Variants in GLS observed in about 807,000 individuals in gnomAD.
GLS encodes glutaminase, also known as glutaminase kidney isoform, mitochondrial.
In GLS, 36 loss-of-function variants were observed where a neutral mutation model predicts 86.7. That is an observed-to-expected ratio of 0.42 (90% CI 0.32 to 0.55). GLS has a LOEUF of 0.55. Ranked by LOEUF, GLS falls within the 20% of genes least tolerant of loss-of-function variation. The pLI is 0.17. For missense variants in GLS, 528 were observed against 833.4 expected, an observed-to-expected ratio of 0.63 and a Z score of 4.51; for synonymous variants, 317 against 305.9, an observed-to-expected ratio of 1.04 and a Z score of -0.38.
intron 1 of GLS, among the ~76,000 whole-genome samples, chr2:190,893,861 A>G (rs1688643178): frequency 6.6e-6 from 1 of 152,222 alleles, no homozygotes; most frequent in Non-Finnish European, 1.5e-5. Context: ...CTGGGATTAT[A>G]GGCGTGAGCT....
At chr2:190,958,193 T>C (rs1690908359) in intron 17 of GLS, among the ~76,000 whole-genome samples, 1 of 152,244 alleles carries the variant, frequency 6.6e-6, no homozygotes, top group South Asian at 2.1e-4. Context: ...AATTTATCAA[T>C]TTCTTCTAGA....
In GLS at chr2:190,897,380, AT is replaced by A. The variant is rs1688781256; in HGVS notation, c.605+1657del. Among the ~76,000 whole-genome samples the A allele has an allele frequency of 2.0e-5, 3 of 152,214 alleles. No individual in the cohort carries two copies. The South Asian group carries it at 6.2e-4, about 31-fold the overall frequency. On this transcript the variant is annotated intron_variant, in intron 3 of 17. Coordinates refer to ENST00000320717, the MANE Select transcript of GLS (RefSeq NM_014905.5). This position sits in a 1 kb window ranked among gnomAD's most constrained non-coding sequence, Gnocchi z 4.3. ...AATTAAAAACAATTTAAATCCTCTG[AT>A]TATTAAGCCAGGGAACTGCAAACAT...
chr2:190,955,811 G>A lies in GLS; in HGVS notation c.1853+993G>A, dbSNP rs941576608. Among the ~76,000 whole-genome samples the A allele has an allele frequency of 2.0e-5, 3 of 152,028 alleles. No individual in the cohort carries two copies. The highest frequency in any genetic ancestry group is 1.9e-4 in the East Asian group (1 of 5,188). On this transcript the variant is annotated intron_variant, in intron 17 of 17. Coordinates refer to ENST00000320717, the MANE Select transcript of GLS (RefSeq NM_014905.5). The surrounding 1 kb of genome is among the most constrained non-coding windows in gnomAD (Gnocchi z 5.6). ...ATCTATTGTTTCCTTTTTAGTGATC[G>A]CCATTCTAACTGGTGTGAGATGGTA...
chr2:190,941,186 C>T (rs1014604538), intron 14 of GLS, among the ~76,000 whole-genome samples: 2 of 152,032 alleles, frequency 1.3e-5, no homozygotes, highest in African/African-American at 4.8e-5. Flanking sequence ...CTTGTGTTTG[C>T]AATTAAGCAG....
chr2:190,915,467 A>T (rs1274069307), intron 7 of GLS, among the ~76,000 whole-genome samples: 4 of 152,108 alleles, frequency 2.6e-5, no homozygotes, highest in African/African-American at 9.7e-5. Flanking sequence ...ACTACAAATG[A>T]TTATAGCTTT....
chr2:190,895,438 A>G lies in GLS; in HGVS notation c.484-166A>G. ...TCAGTGAAAGAAAAAGAAAGAAACA[A>G]TGAGAAACTTGTCCAGAAAGTGGGT... On this transcript the variant is annotated intron_variant, in intron 2 of 17. Coordinates refer to ENST00000320717, the MANE Select transcript of GLS (RefSeq NM_014905.5). This position sits in a 1 kb window ranked among gnomAD's most constrained non-coding sequence, Gnocchi z 4.2. 7 of 570,942 alleles carry G rather than the reference A, an allele frequency of 1.2e-5. No homozygotes were observed. Among genetic ancestry groups the G allele is most frequent in the Non-Finnish European group, 2.1e-5 (7 of 328,198 alleles). 35.4% of individuals were successfully genotyped at this position (570,942 alleles called of 1,614,324 possible).
Position 190,963,210 on chromosome 2 carries a change from T to C in GLS, c.*224T>C, listed in dbSNP as rs973690081. The C allele has an allele frequency of 2.7e-6, 1 of 373,418 alleles. No individual in the cohort carries two copies. Among genetic ancestry groups the C allele is most frequent in the African/African-American group, 2.1e-5 (1 of 47,950 alleles). 23.1% of individuals were successfully genotyped at this position (373,418 alleles called of 1,614,324 possible). A position where few individuals can be genotyped will look rare whatever the true frequency, so the allele number is the denominator to read the frequency against. ...AATGTGAGCAATATTACCTCGTGCA[T>C]TGTATAATTTGATGTAAAAGAAATA... is the stretch of plus-strand genomic sequence containing the variant. On this transcript the variant is annotated 3_prime_UTR_variant, in exon 18 of 18. Transcript: ENST00000320717.
chr2:190,904,336 T>C (rs1376368034), intron 5 of GLS, among the ~76,000 whole-genome samples: 1 of 152,178 alleles, frequency 6.6e-6, no homozygotes, highest in Non-Finnish European at 1.5e-5. Context: ...TAGTTTATTT[T>C]ATGTGATTGA....
chr2:190,932,029 G>A (rs201806452), intron 14 of GLS, among the ~76,000 whole-genome samples: 37 of 152,000 alleles, frequency 2.4e-4, no homozygotes, highest in African/African-American at 6.0e-4. Context: ...ATATTTGTTC[G>A]TCCTAAATTG....
At position 190,930,070 on chromosome 2, in the gene GLS, GTT is replaced by G. The variant is rs1162406978; in HGVS notation, c.1426-354_1426-353del. Among the ~76,000 whole-genome samples the G allele has an allele frequency of 3.0e-5, 4 of 135,436 alleles. No homozygotes were observed. Among genetic ancestry groups the G allele is most frequent in the Non-Finnish European group, 4.9e-5 (3 of 61,538 alleles). 88.9% of individuals were successfully genotyped at this position (135,436 alleles called of 152,430 possible). On this transcript the variant is annotated intron_variant, in intron 12 of 17. Coordinates refer to ENST00000320717, the MANE Select transcript of GLS (RefSeq NM_014905.5). This position sits in a 1 kb window ranked among gnomAD's most constrained non-coding sequence, Gnocchi z 5.0. ...ATTTTTAAACCAATTTCCCAATTGTGTTTTTTTTTTTTTTGAAACTGGATCTT... is the reference window on the plus strand; with the variant it reads ...ATTTTTAAACCAATTTCCCAATTGTGTTTTTTTTTTTTGAAACTGGATCTT...
chr2:190,894,846 A>G (rs1688675267), intron 1 of GLS, among the ~76,000 whole-genome samples: 1 of 152,198 alleles, frequency 6.6e-6, no homozygotes, highest in Non-Finnish European at 1.5e-5. Flanking sequence ...GGGTGATTGT[A>G]CTGGGGTGTA....
chr2:190,917,004 A>C (rs1689557856), intron 7 of GLS, among the ~76,000 whole-genome samples: 1 of 152,192 alleles, frequency 6.6e-6, no homozygotes, highest in Non-Finnish European at 1.5e-5. Context: ...GTGGTTGCTG[A>C]AGATTGCGGT....
chr2:190,944,187 A>G (rs968179400), intron 14 of GLS, among the ~76,000 whole-genome samples: 4 of 130,670 alleles, frequency 3.1e-5, no homozygotes, highest in Non-Finnish European at 7.1e-5. Context: ...TTTGATTCCA[A>G]TGGCCTGGAT....
rs1689711070 is a variant in GLS at position 190,920,951 on chromosome 2, T to G, written c.1039-73T>G. 7 of 778,300 alleles carry G rather than the reference T, an allele frequency of 9.0e-6. No homozygotes were observed. The South Asian group carries it at 1.0e-4, about 12-fold the overall frequency. The allele number at this position is 778,300 out of a possible 1,614,324, so 48.2% of individuals were successfully genotyped here. A position where few individuals can be genotyped will look rare whatever the true frequency, so the allele number is the denominator to read the frequency against. The stretch of plus-strand genomic sequence containing the variant: ...GTATATTATAATAGTAGCTTTGAAA[T>G]TTTGATATTGGCTTGAAACTTAACT... On this transcript the variant is annotated intron_variant, in intron 7 of 17. Coordinates refer to ENST00000320717, the MANE Select transcript of GLS (RefSeq NM_014905.5). The surrounding 1 kb of genome is among the most constrained non-coding windows in gnomAD (Gnocchi z 4.2).
At position 190,921,073 on chromosome 2, in the gene GLS, A is replaced by T. The variant is rs772567757; in HGVS notation, c.1071+17A>T. The T allele has an allele frequency of 2.5e-6, 4 of 1,586,878 alleles. No homozygotes were observed. The South Asian group carries it at 4.4e-5, about 18-fold the overall frequency. ...TTTGACTATGTAAGTGCAACATGTC[A>T]TTCAGTTTTCATGCCACATTCTCTA... On this transcript the variant is annotated intron_variant, in intron 8 of 17. Coordinates refer to ENST00000320717, the MANE Select transcript of GLS (RefSeq NM_014905.5). The surrounding 1 kb of genome is among the most constrained non-coding windows in gnomAD (Gnocchi z 4.2).
chr2:190,906,388 CAAAAA>C (rs1259134041), intron 6 of GLS, among the ~76,000 whole-genome samples: 1 of 151,242 alleles, frequency 6.6e-6, no homozygotes, highest in African/African-American at 2.4e-5. Context: ...ATTTCAGAAA[CAAAAA>C]AACAAAATGG....
rs1001794582 is a variant in GLS, at chr2:190,954,037, T to G, written c.1712+411T>G. ...TTGGTGTCTGGCAGATCATCAGGAT[T>G]AGTAAGGCCATATACTGCTGTATAC... On this transcript the variant is annotated intron_variant, in intron 15 of 17. Transcript: ENST00000320717. This position sits in a 1 kb window ranked among gnomAD's most constrained non-coding sequence, Gnocchi z 4.0. Among the ~76,000 whole-genome samples, 1 of 150,722 alleles carries G rather than the reference T, an allele frequency of 6.6e-6. No homozygotes were observed. The highest frequency in any genetic ancestry group is 1.5e-5 in the Non-Finnish European group (1 of 67,812).
In GLS at chr2:190,949,473, C is replaced by T. The variant is rs887087103; in HGVS notation, c.1651-4092C>T. Among the ~76,000 whole-genome samples, 5 of 152,102 alleles carry T rather than the reference C, an allele frequency of 3.3e-5. No individual in the cohort carries two copies. Among genetic ancestry groups the T allele is most frequent in the Non-Finnish European group, 4.4e-5 (3 of 68,016 alleles). ...CTTTGGGAGGCTGAGGCAGGCAGATCGCTTGAGGTCGGGAGTTTGGGACCA... is the reference window on the plus strand; with the variant it reads ...CTTTGGGAGGCTGAGGCAGGCAGATTGCTTGAGGTCGGGAGTTTGGGACCA... On this transcript the variant is annotated intron_variant, in intron 14 of 17. Coordinates refer to ENST00000320717, the MANE Select transcript of GLS (RefSeq NM_014905.5). The surrounding 1 kb of genome is among the most constrained non-coding windows in gnomAD (Gnocchi z 4.0).
In GLS at chr2:190,920,872, T is replaced by C; in HGVS notation, c.1039-152T>C. On this transcript the variant is annotated intron_variant, in intron 7 of 17. Coordinates refer to ENST00000320717, the MANE Select transcript of GLS (RefSeq NM_014905.5). The surrounding 1 kb of genome is among the most constrained non-coding windows in gnomAD (Gnocchi z 4.2). Reference sequence around the variant, plus strand: ...ATTAAATAACATGAAAAAAAGTTTATATAAATGTTAAATTACTTTAGAACT... The same window carrying C: ...ATTAAATAACATGAAAAAAAGTTTACATAAATGTTAAATTACTTTAGAACT... The C allele has an allele frequency of 3.7e-6, 2 of 541,186 alleles. No homozygotes were observed. Among genetic ancestry groups the C allele is most frequent in the Non-Finnish European group, 6.7e-6 (2 of 300,466 alleles). 33.5% of individuals were successfully genotyped at this position (541,186 alleles called of 1,614,324 possible).
Sources: gnomAD v4.1 joint callset for allele counts (sites outside exome capture counted in the v4.1 genomes callset) on GRCh38, gnomAD v4.1.1 for gene constraint, Gnocchi (gnomAD v3.1) non-coding constraint, MANE v1.5 for transcripts, NCBI Gene and HGNC (gene_info 2026-07-23, HGNC 2026-07-21) for gene names.